Variants in PPP2R5E observed in about 807,000 individuals in gnomAD.
PPP2R5E encodes the protein serine/threonine-protein phosphatase 2A 56 kDa regulatory subunit epsilon isoform.
Under a neutral mutation model 65.3 loss-of-function variants are expected in PPP2R5E, and 4 were observed. The ratio of observed to expected loss-of-function variants is 0.06; its 90% confidence interval spans 0.03 to 0.14. The LOEUF (loss-of-function observed/expected upper bound fraction) is 0.14, where lower values mean the gene tolerates loss of function less well. Among genes scored for constraint, PPP2R5E ranks in the 10% least tolerant of loss-of-function variants. PPP2R5E has a pLI of 1.00. For synonymous variants in PPP2R5E, 183 were observed against 187.4 expected, an observed-to-expected ratio of 0.98 and a Z score of 0.19; for missense variants, 274 against 556.1, an observed-to-expected ratio of 0.49 and a Z score of 5.10.
At chr14:63,415,919 C>T (rs1594849013) in intron 4 of PPP2R5E, among the ~76,000 whole-genome samples, 1 of 152,264 alleles carries the variant, frequency 6.6e-6, no homozygotes, top group South Asian at 2.1e-4. Context: ...ATTGCTAGAT[C>T]ACAAGATATC....
At chr14:63,459,266 T>A (rs1030780250) in intron 2 of PPP2R5E, among the ~76,000 whole-genome samples, 4 of 152,198 alleles carry the variant, frequency 2.6e-5, no homozygotes, top group Admixed American at 2.0e-4. Flanking sequence ...GCCCATGTAG[T>A]CTGTCCAAAT....
chr14:63,409,928 C>G (rs1157316347), intron 5 of PPP2R5E, among the ~76,000 whole-genome samples: 1 of 152,246 alleles, frequency 6.6e-6, no homozygotes, highest in East Asian at 1.9e-4. Context: ...GCAGTTTCTT[C>G]TGACCCCAAA....
At chr14:63,435,047 G>A (rs1887885696) in intron 3 of PPP2R5E, among the ~76,000 whole-genome samples, 1 of 152,066 alleles carries the variant, frequency 6.6e-6, no homozygotes, top group Non-Finnish European at 1.5e-5. Context: ...TAATGATAAT[G>A]TATATATAGT....
At chr14:63,399,527 G>T (rs1051455555) in intron 5 of PPP2R5E, among the ~76,000 whole-genome samples, 1 of 151,600 alleles carries the variant, frequency 6.6e-6, no homozygotes, top group African/African-American at 2.4e-5. Context: ...TTCTTTGAGG[G>T]ATGATAAAAA....
In PPP2R5E at chr14:63,533,978, GCTA is replaced by G. The variant is rs886501766; in HGVS notation, c.157+5548_157+5550del. Among the ~76,000 whole-genome samples, 12 of 152,246 alleles carry G rather than the reference GCTA, an allele frequency of 7.9e-5. No individual in the cohort carries two copies. In the South Asian group the frequency reaches 2.1e-3, roughly 26 times the overall value. The stretch of plus-strand genomic sequence containing the variant: ...ACAAACAAACAAAAGAAATAACAAT[GCTA>G]CTTTCACTATAATTCCATCTTCAAA... On this transcript the variant is annotated intron_variant, in intron 2 of 13. Transcript: ENST00000337537.
chr14:63,446,831 A>G (rs866213146), intron 3 of PPP2R5E, among the ~76,000 whole-genome samples: 52 of 78,010 alleles, frequency 6.7e-4, no homozygotes, highest in Admixed American at 1.7e-3. Context: ...TCCATCTCAA[A>G]AAAAAAAAAA....
chr14:63,486,745 T>C (rs1016868024), intron 2 of PPP2R5E, among the ~76,000 whole-genome samples: 8 of 152,162 alleles, frequency 5.3e-5, no homozygotes, highest in Admixed American at 5.2e-4. Flanking sequence ...ATCCCATGTC[T>C]AACCCCTGGT....
chr14:63,530,015 CA>C (rs1893346005), intron 2 of PPP2R5E, among the ~76,000 whole-genome samples: 1 of 151,954 alleles, frequency 6.6e-6, no homozygotes, highest in Admixed American at 6.6e-5. Flanking sequence ...TAGTCTAAGC[CA>C]AAAACTCTTA....
chr14:63,400,105 T>G (rs1013639388), intron 5 of PPP2R5E, among the ~76,000 whole-genome samples: 3 of 152,162 alleles, frequency 2.0e-5, no homozygotes, highest in African/African-American at 4.8e-5. Flanking sequence ...CCACCATCCA[T>G]CTATCATTCA....
At chr14:63,452,311 T>C (rs1314635093) in intron 3 of PPP2R5E, 1 of 152,216 alleles carries the variant, frequency 6.6e-6, no homozygotes, top group Non-Finnish European at 1.5e-5. Context: ...GAGGTTTAGA[T>C]AGCATGCAAA....
chr14:63,542,221 C>A (rs1035863856), intron 1 of PPP2R5E, among the ~76,000 whole-genome samples: 1 of 152,176 alleles, frequency 6.6e-6, no homozygotes, highest in African/African-American at 2.4e-5. Flanking sequence ...CACTGCAAAA[C>A]TGAACGTAAG....
At chr14:63,438,513 T>A (rs2139422971) in intron 3 of PPP2R5E, among the ~76,000 whole-genome samples, 1 of 152,264 alleles carries the variant, frequency 6.6e-6, no homozygotes, top group South Asian at 2.1e-4. Context: ...AAAACTTGAA[T>A]GCAGTACTGT....
At chr14:63,431,426 A>G (rs1175824817) in intron 3 of PPP2R5E, among the ~76,000 whole-genome samples, 1 of 152,212 alleles carries the variant, frequency 6.6e-6, no homozygotes, top group Non-Finnish European at 1.5e-5. Flanking sequence ...AATGTCATCA[A>G]TAATTATAAT....
At chr14:63,524,486 G>A (rs1225780499) in intron 2 of PPP2R5E, among the ~76,000 whole-genome samples, 3 of 152,176 alleles carry the variant, frequency 2.0e-5, no homozygotes, top group African/African-American at 4.8e-5. Context: ...TTCCAAAGAC[G>A]TTTAAATAAC....
chr14:63,520,859 CAAA>C (rs748146106), intron 2 of PPP2R5E, among the ~76,000 whole-genome samples: 3 of 58,528 alleles, frequency 5.1e-5, no homozygotes, highest in African/African-American at 1.2e-4. Context: ...ACTAAAAATA[CAAA>C]AAAAAAAAAA....
intron 10 of PPP2R5E, 32 bp downstream of exon 10, chr14:63,391,785 G>A (rs1885038880): frequency 1.2e-6 from 2 of 1,602,860 alleles, no homozygotes; most frequent in African/African-American, 1.3e-5. Context: ...TATTCAGTAA[G>A]CTATGAACAC....
intron 2 of PPP2R5E, among the ~76,000 whole-genome samples, chr14:63,507,349 C>G (rs1892234563): frequency 6.6e-6 from 1 of 152,144 alleles, no homozygotes; most frequent in Non-Finnish European, 1.5e-5. Flanking sequence ...ACTACCATAA[C>G]TGTTAATTAC....
rs892846698 is a variant in PPP2R5E at position 63,507,037 on chromosome 14, C to T, written c.157+32492G>A. 4.6e-5 allele frequency among the ~76,000 whole-genome samples: 7 copies of T among 152,226 alleles called. No individual in the cohort carries two copies. The East Asian group carries it at 1.3e-3, about 29-fold the overall frequency. ...GCCTCAAGTGATCCCCTACCTCAGC[C>T]TCCCAAAGTGCTGAGGTTACAGGTG... On this transcript the variant is annotated intron_variant, in intron 2 of 13. Transcript: ENST00000337537.
At chr14:63,380,458 C>T (rs1312898424) in intron 13 of PPP2R5E, among the ~76,000 whole-genome samples, 3 of 151,906 alleles carry the variant, frequency 2.0e-5, no homozygotes, top group Non-Finnish European at 2.9e-5. Flanking sequence ...GTCAGGAGAT[C>T]GAGACCATCC....
Sources: gnomAD v4.1 joint callset for allele counts (sites outside exome capture counted in the v4.1 genomes callset) on GRCh38, gnomAD v4.1.1 for gene constraint, MANE v1.5 for transcripts, NCBI Gene and HGNC (gene_info 2026-07-23, HGNC 2026-07-21) for gene names.